DNM3: variants seen among roughly 807,000 people sequenced by gnomAD.
The protein encoded by DNM3 is dynamin 3.
DNM3 carries 47 observed loss-of-function variants against 101.6 expected under a neutral mutation model. The observed-to-expected ratio is 0.46, with a 90% CI of 0.37 to 0.59. The LOEUF is 0.59. Among genes scored for constraint, DNM3 ranks in the 20% least tolerant of loss-of-function variants. The pLI, the probability that DNM3 is intolerant of heterozygous loss-of-function variation, is 0.00. For synonymous variants in DNM3, 385 were observed against 387.9 expected, an observed-to-expected ratio of 0.99 and a Z score of 0.09; for missense variants, 849 against 1,085.7, an observed-to-expected ratio of 0.78 and a Z score of 3.06.
At chr1:172,078,339 G>A (rs559401642) in intron 11 of DNM3, among the ~76,000 whole-genome samples, 1 of 152,154 alleles carries the variant, frequency 6.6e-6, no homozygotes, top group Admixed American at 6.5e-5. Flanking sequence ...TGATCTGCCC[G>A]CCTTGGCCTC....
At chr1:172,194,804 A>T (rs1001417296) in intron 14 of DNM3, among the ~76,000 whole-genome samples, 77 of 151,562 alleles carry the variant, frequency 5.1e-4, no homozygotes, top group African/African-American at 1.8e-3. Flanking sequence ...ATGGGTCTTG[A>T]CTCTTTATCC....
chr1:172,302,216 A>T (rs2064493741), intron 15 of DNM3, among the ~76,000 whole-genome samples: 1 of 152,234 alleles, frequency 6.6e-6, no homozygotes, highest in Non-Finnish European at 1.5e-5. Flanking sequence ...CCAGGAGATT[A>T]TATCCCACGC....
chr1:171,942,103 G>A (rs2041852825), intron 2 of DNM3, among the ~76,000 whole-genome samples: 1 of 151,738 alleles, frequency 6.6e-6, no homozygotes, highest in African/African-American at 2.4e-5. Context: ...AGTACAGAGT[G>A]GACTTAGCAA....
chr1:171,967,537 C>T (rs960819203), intron 2 of DNM3, among the ~76,000 whole-genome samples: 3 of 152,014 alleles, frequency 2.0e-5, no homozygotes, highest in Non-Finnish European at 4.4e-5. Flanking sequence ...TCTGGAATTT[C>T]CTTATCTAAG....
At chr1:172,248,611 C>T in intron 14 of DNM3, among the ~76,000 whole-genome samples, 1 of 152,036 alleles carries the variant, frequency 6.6e-6, no homozygotes, top group East Asian at 1.9e-4. Flanking sequence ...CCACAAGAAC[C>T]TGCCTTCTTT....
chr1:172,302,487 G>A (rs935572593), intron 15 of DNM3, among the ~76,000 whole-genome samples: 3 of 152,232 alleles, frequency 2.0e-5, no homozygotes, highest in African/African-American at 7.2e-5. Context: ...AGACTTAAAT[G>A]TCCCTGTCTG....
At chr1:171,847,707 G>T (rs755969975) in intron 1 of DNM3, among the ~76,000 whole-genome samples, 4 of 152,108 alleles carry the variant, frequency 2.6e-5, no homozygotes, top group African/African-American at 7.2e-5. Flanking sequence ...TAAAGGAGTA[G>T]AATAAGTCAA....
intron 1 of DNM3, among the ~76,000 whole-genome samples, chr1:171,856,089 A>G (rs977900801): frequency 2.0e-5 from 3 of 152,208 alleles, no homozygotes; most frequent in African/African-American, 7.2e-5. Context: ...GCATATGGCT[A>G]GCCAGTTATC....
At chr1:171,958,583 G>A (rs1196264465) in intron 2 of DNM3, among the ~76,000 whole-genome samples, 1 of 152,200 alleles carries the variant, frequency 6.6e-6, no homozygotes, top group East Asian at 1.9e-4. Context: ...CATCAAAGGT[G>A]TTGGAGCAAG....
intron 10 of DNM3, among the ~76,000 whole-genome samples, chr1:172,057,099 G>A (rs1256315295): frequency 1.3e-5 from 2 of 152,030 alleles, no homozygotes; most frequent in South Asian, 2.1e-4. Flanking sequence ...TATCAGCAAT[G>A]GAAGATGAAG....
At chr1:172,222,579 G>T (rs191956415) in intron 14 of DNM3, among the ~76,000 whole-genome samples, 1 of 152,268 alleles carries the variant, frequency 6.6e-6, no homozygotes, top group East Asian at 1.9e-4. Flanking sequence ...TTCAATGGTG[G>T]TCAGTCACTT....
At chr1:172,093,774 C>T (rs1281861700) in intron 13 of DNM3, 9 of 1,566,564 alleles carry the variant, frequency 5.7e-6, no homozygotes, top group Admixed American at 2.0e-5. Flanking sequence ...CATTTAGCTT[C>T]CCAAGGGCAC....
chr1:172,153,652 A>G (rs1021620259), intron 14 of DNM3, among the ~76,000 whole-genome samples: 19 of 152,092 alleles, frequency 1.2e-4, no homozygotes, highest in African/African-American at 4.6e-4. Context: ...TTTTTAGAAC[A>G]TGAAGTTGGA....
chr1:172,388,554 G>A lies in DNM3; in HGVS notation c.2286-19G>A. On this transcript the variant is annotated intron_variant, in intron 19 of 20. Transcript: ENST00000627582. ...CAGAAAGGAGGAGTGAGCAAACTAT[G>A]ATTTCTCTTTTTCCTCAGGTCACCT... 1 of 1,600,766 alleles carries A rather than the reference G, an allele frequency of 6.2e-7. No homozygotes were observed. The highest frequency in any genetic ancestry group is 1.3e-5 in the African/African-American group (1 of 74,728).
chr1:172,152,976 CTGTT>C (rs927843410), intron 14 of DNM3, among the ~76,000 whole-genome samples: 4 of 152,122 alleles, frequency 2.6e-5, no homozygotes, highest in African/African-American at 4.8e-5. Context: ...AGAGCAGAAA[CTGTT>C]TGGTGATTTA....
chr1:172,292,242 C>G (rs948388112), intron 15 of DNM3, among the ~76,000 whole-genome samples: 2 of 151,706 alleles, frequency 1.3e-5, no homozygotes, highest in Non-Finnish European at 2.9e-5. Flanking sequence ...TATTATAATC[C>G]CCATTTTATA....
rs990197882 is a variant in DNM3, at chr1:172,340,561, C to T, written c.1893+17221C>T. 3.3e-5 allele frequency among the ~76,000 whole-genome samples: 5 copies of T among 152,176 alleles called. 1 individual carries two copies. The highest frequency in any genetic ancestry group is 4.1e-4 in the South Asian group (2 of 4,830). On this transcript the variant is annotated intron_variant, in intron 17 of 20. Coordinates refer to ENST00000627582, the MANE Select transcript of DNM3 (RefSeq NM_015569.5). ...CATGGTGCATTCACTATGAACTTTA[C>T]GATCTTCATGACACAAAGTGAAGAA...
chr1:171,925,223 C>A (rs2040474252), intron 2 of DNM3, among the ~76,000 whole-genome samples: 2 of 146,518 alleles, frequency 1.4e-5, no homozygotes, highest in Non-Finnish European at 3.0e-5. Flanking sequence ...TTTTTAAATT[C>A]TTTTTATTTT....
At chr1:172,032,375 G>A (rs2048670339) in intron 4 of DNM3, 27 bp from the exon 5 acceptor site, 6 of 1,543,674 alleles carry the variant, frequency 3.9e-6, no homozygotes, top group African/African-American at 1.4e-5. Context: ...TGCAAATTGT[G>A]TAATGTTGGG....
Sources: allele counts gnomAD v4.1 joint callset (sites outside exome capture counted in the v4.1 genomes callset), GRCh38; gene constraint gnomAD v4.1.1; transcripts MANE v1.5; gene names NCBI Gene and HGNC (gene_info 2026-07-23, HGNC 2026-07-21).